Variants in PCSK6 observed in about 807,000 individuals in gnomAD.
PCSK6 encodes paired basic amino acid cleaving enzyme 4.
Under a neutral mutation model 123.3 loss-of-function variants are expected in PCSK6, and 85 were observed. The observed-to-expected ratio is 0.69, with a 90% CI of 0.58 to 0.83. The LOEUF (loss-of-function observed/expected upper bound fraction) is 0.83, where lower values mean the gene tolerates loss of function less well. PCSK6 is among the 40% of genes least tolerant of loss of function. The pLI is 0.00. For synonymous variants in PCSK6, 508 were observed against 516.0 expected (o/e 0.98, Z 0.21); for missense variants, 1,191 against 1,282.3 (o/e 0.93, Z 1.09).
At chr15:101,451,205 G>A (rs1430196617) in intron 1 of PCSK6, among the ~76,000 whole-genome samples, 1 of 152,016 alleles carries the variant, frequency 6.6e-6, no homozygotes, top group Non-Finnish European at 1.5e-5. Flanking sequence ...AGGAATGGAG[G>A]AGGAAAGCCC....
intron 1 of PCSK6, among the ~76,000 whole-genome samples, chr15:101,480,683 A>C (rs568911360): frequency 2.0e-5 from 3 of 152,340 alleles, no homozygotes; most frequent in Non-Finnish European, 1.5e-5. Context: ...AAGCATCCAC[A>C]GTGAGCTCCA....
At chr15:101,470,009 G>A (rs1057460561) in intron 1 of PCSK6, among the ~76,000 whole-genome samples, 10 of 152,124 alleles carry the variant, frequency 6.6e-5, no homozygotes, top group Non-Finnish European at 1.3e-4. Context: ...TGCTCACTTC[G>A]GGACTGGCAT....
chr15:101,460,439 C>G (rs1223459078), intron 1 of PCSK6, among the ~76,000 whole-genome samples: 2 of 152,214 alleles, frequency 1.3e-5, no homozygotes, highest in Non-Finnish European at 2.9e-5. Flanking sequence ...ACCTGCTCCT[C>G]CTACATAAGC....
chr15:101,463,200 A>C, intron 1 of PCSK6: 1 of 438,676 alleles, frequency 2.3e-6, no homozygotes, highest in Non-Finnish European at 4.6e-6. Context: ...TTGCCCTCTG[A>C]CTGTGGGTCG....
intron 2 of PCSK6, among the ~76,000 whole-genome samples, chr15:101,442,604 T>A (rs1258060585): frequency 6.6e-6 from 1 of 152,194 alleles, no homozygotes; most frequent in Non-Finnish European, 1.5e-5. Flanking sequence ...AGAACCCATT[T>A]TTCCATAAAA....
intron 15 of PCSK6, among the ~76,000 whole-genome samples, chr15:101,327,491 C>T (rs1274546251): frequency 6.6e-6 from 1 of 152,120 alleles, no homozygotes; most frequent in Non-Finnish European, 1.5e-5. Flanking sequence ...CAGGGGACCC[C>T]GACAGCTCTG....
rs549706675 is a variant in PCSK6 at position 101,429,865 on chromosome 15, C to A, written c.734+122G>T. 87 of 797,708 alleles carry A rather than the reference C, an allele frequency of 1.1e-4. 1 individual carries two copies. The African/African-American group carries it at 1.4e-3, about 13-fold the overall frequency. 49.4% of individuals were successfully genotyped at this position (797,708 alleles called of 1,614,324 possible). On this transcript the variant is annotated intron_variant, in intron 5 of 21. Coordinates refer to ENST00000611716, the MANE Select transcript of PCSK6 (RefSeq NM_002570.5). ...CTGTGACTCCTGGAGAAGCCTGCCT[C>A]GCGCCCAGGCAGGGAAGATACGCCG...
intron 1 of PCSK6, among the ~76,000 whole-genome samples, chr15:101,464,770 G>C (rs996116203): frequency 1.3e-5 from 2 of 152,170 alleles, no homozygotes; most frequent in Admixed American, 6.5e-5. Flanking sequence ...CAAGGGGTTA[G>C]GAAAATGCCT....
At chr15:101,466,455 A>C (rs1342746998) in intron 1 of PCSK6, among the ~76,000 whole-genome samples, 1 of 152,164 alleles carries the variant, frequency 6.6e-6, no homozygotes, top group Non-Finnish European at 1.5e-5. Flanking sequence ...CAGAAATGTA[A>C]ACATAGAGCT....
chr15:101,480,324 G>A (rs183213235), intron 1 of PCSK6, among the ~76,000 whole-genome samples: 12 of 152,368 alleles, frequency 7.9e-5, no homozygotes, highest in Admixed American at 3.3e-4. Context: ...GTCCATGTGC[G>A]GCTGGGCAGA....
chr15:101,362,124 C>T lies in PCSK6; in HGVS notation c.1858+4072G>A, dbSNP rs544296102. Among the ~76,000 whole-genome samples, 26 of 152,054 alleles carry T rather than the reference C, an allele frequency of 1.7e-4. No homozygotes were observed. The East Asian group carries it at 1.9e-3, about 11-fold the overall frequency. ...GGTGCCCGCCACCATGCCTGGTTAA[C>T]TTTTTGTATTGTTAGTAGAGATGGG... On this transcript the variant is annotated intron_variant, in intron 13 of 21. Coordinates refer to ENST00000611716, the MANE Select transcript of PCSK6 (RefSeq NM_002570.5).
chr15:101,349,748 G>A (rs2040842608), intron 13 of PCSK6, among the ~76,000 whole-genome samples: 1 of 152,156 alleles, frequency 6.6e-6, no homozygotes, highest in South Asian at 2.1e-4. Context: ...GTGGGACCCA[G>A]GCTCCTCTGC....
In PCSK6 at chr15:101,470,588, C is replaced by T. The variant is rs149113272; in HGVS notation, c.297+18786G>A. 1.6e-3 allele frequency among the ~76,000 whole-genome samples: 250 copies of T among 152,250 alleles called. 1 individual carries two copies. The highest frequency in any genetic ancestry group is 0.012 in the South Asian group (58 of 4,808). On this transcript the variant is annotated intron_variant, in intron 1 of 21. Transcript: ENST00000611716. The stretch of plus-strand genomic sequence containing the variant: ...ATGTGTTCCAAGTTTTACATCCCTC[C>T]GGCATTCATTTTAATAGAATTAGGA...
Position 101,366,304 on chromosome 15 carries a change from T to C in PCSK6, c.1750A>G (p.Thr584Ala). 1 of 1,613,320 alleles carries C rather than the reference T, an allele frequency of 6.2e-7. No individual in the cohort carries two copies. Among genetic ancestry groups the C allele is most frequent in the Non-Finnish European group, 8.5e-7 (1 of 1,179,616 alleles). ...TGGACAGTCATGAATTCCCAGTTTG[T>C]AAACCCTTCATTGGAAAGATCCAGC... is the stretch of plus-strand genomic sequence containing the variant. Reference protein sequence around the residue: ...RLLDLSNEGFTNWEFMTVHCW... With the variant: ...RLLDLSNEGFANWEFMTVHCW... The change falls in exon 13 of 22, where the codon ACA (threonine) becomes GCA (alanine). Residue 584 changes from threonine (T) to alanine (A), a missense_variant. Thr to Ala is a moderately conservative substitution (Grantham distance 58). Coordinates refer to ENST00000611716, the MANE Select transcript of PCSK6 (RefSeq NM_002570.5).
intron 6 of PCSK6, among the ~76,000 whole-genome samples, chr15:101,410,630 A>G (rs2042918562): frequency 6.6e-6 from 1 of 152,220 alleles, no homozygotes; most frequent in Admixed American, 6.5e-5. Flanking sequence ...ACAGTTATAC[A>G]CTGCGAAGGC....
intron 13 of PCSK6, among the ~76,000 whole-genome samples, chr15:101,340,944 A>AT (rs2040589037): frequency 6.7e-6 from 1 of 149,582 alleles, no homozygotes. Context: ...GCTTCTCCCA[A>AT]ATTTTTTTTT....
chr15:101,409,191 C>A (rs886374462), intron 6 of PCSK6, among the ~76,000 whole-genome samples: 8 of 152,210 alleles, frequency 5.3e-5, no homozygotes, highest in African/African-American at 1.7e-4. Flanking sequence ...AGCGCGGGGG[C>A]TCATGCCTGT....
chr15:101,382,356 C>A, intron 10 of PCSK6, 147 bp from the exon 11 acceptor site: 2 of 622,770 alleles, frequency 3.2e-6, no homozygotes, highest in East Asian at 2.7e-5. Flanking sequence ...CAGGACGGGT[C>A]CCCCTGAGGG....
intron 13 of PCSK6, chr15:101,346,935 G>A: frequency 1.6e-6 from 2 of 1,231,690 alleles, no homozygotes; most frequent in Non-Finnish European, 1.0e-6. Context: ...AACGAGGAGA[G>A]TTTTGGGGAA....
Sources: allele counts gnomAD v4.1 joint callset (sites outside exome capture counted in the v4.1 genomes callset), GRCh38; gene constraint gnomAD v4.1.1; transcripts MANE v1.5; gene names NCBI Gene and HGNC (gene_info 2026-07-23, HGNC 2026-07-21).